ZBTB20: variants seen among roughly 807,000 people sequenced by gnomAD.
The protein encoded by ZBTB20 is zinc finger and BTB domain-containing protein 20.
A neutral mutation model predicts 56.9 loss-of-function variants in ZBTB20; 9 were observed. The ratio of observed to expected loss-of-function variants is 0.16; its 90% CI spans 0.10 to 0.28. ZBTB20 has a LOEUF of 0.28. ZBTB20 is among the 10% of genes least tolerant of loss of function. The pLI, the probability that ZBTB20 is intolerant of heterozygous loss-of-function variation, is 1.00. For synonymous variants in ZBTB20, 417 were observed against 420.7 expected, an observed-to-expected ratio of 0.99 and a Z score of 0.11; for missense variants, 655 against 1,003.0, an observed-to-expected ratio of 0.65 and a Z score of 4.69.
intron 6 of ZBTB20, among the ~76,000 whole-genome samples, chr3:114,602,581 C>T (rs2056844021): frequency 6.6e-6 from 1 of 151,910 alleles, no homozygotes; most frequent in Admixed American, 6.6e-5. Context: ...CTCTCCTCTC[C>T]AAATGTTAGG....
chr3:115,063,677 AC>A (rs2082097647), intron 2 of ZBTB20, among the ~76,000 whole-genome samples: 10 of 151,468 alleles, frequency 6.6e-5, no homozygotes, highest in African/African-American at 2.4e-4. Flanking sequence ...ACACACACAC[AC>A]ACACAAACAC....
intron 7 of ZBTB20, among the ~76,000 whole-genome samples, chr3:114,472,243 T>C (rs947653454): frequency 2.6e-5 from 4 of 152,186 alleles, no homozygotes; most frequent in Non-Finnish European, 4.4e-5. Context: ...AAAACATACT[T>C]GTTGAGCAAA....
intron 5 of ZBTB20, among the ~76,000 whole-genome samples, chr3:114,725,639 C>A (rs2065220891): frequency 6.6e-6 from 1 of 152,212 alleles, no homozygotes; most frequent in Non-Finnish European, 1.5e-5. Flanking sequence ...TAAACATTTT[C>A]ATTCCCAATC....
chr3:114,525,333 G>A (rs1344890081), intron 6 of ZBTB20, among the ~76,000 whole-genome samples: 2 of 152,226 alleles, frequency 1.3e-5, no homozygotes, highest in East Asian at 1.9e-4. Flanking sequence ...TCACACAACA[G>A]CTTTGCTTTA....
chr3:114,663,494 C>A (rs1487826798), intron 6 of ZBTB20, among the ~76,000 whole-genome samples: 12 of 149,452 alleles, frequency 8.0e-5, no homozygotes, highest in East Asian at 4.0e-4. Flanking sequence ...CGAGCAAAAT[C>A]ACCAGCTAAC....
At chr3:115,097,211 G>A (rs1457474094) in intron 1 of ZBTB20, among the ~76,000 whole-genome samples, 3 of 152,118 alleles carry the variant, frequency 2.0e-5, no homozygotes, top group Middle Eastern at 3.4e-3. Context: ...ACGTAGTCTC[G>A]CTCTGTCACC....
chr3:114,812,183 CG>C (rs1248834789), intron 4 of ZBTB20, among the ~76,000 whole-genome samples: 1 of 150,064 alleles, frequency 6.7e-6, no homozygotes, highest in Admixed American at 6.6e-5. Flanking sequence ...CTGCTGGCTC[CG>C]GCAGCCTGCT....
At chr3:114,552,450 C>T (rs1016974820) in intron 6 of ZBTB20, among the ~76,000 whole-genome samples, 4 of 151,386 alleles carry the variant, frequency 2.6e-5, no homozygotes, top group Non-Finnish European at 5.9e-5. Flanking sequence ...TTCCACTTCC[C>T]TTAGTCATTC....
At chr3:114,911,503 A>G (rs1410657148) in intron 3 of ZBTB20, among the ~76,000 whole-genome samples, 1 of 152,052 alleles carries the variant, frequency 6.6e-6, no homozygotes, top group East Asian at 1.9e-4. Context: ...GAAAACACAA[A>G]TAAACCACAA....
intron 2 of ZBTB20, among the ~76,000 whole-genome samples, chr3:115,062,047 A>AT (rs59421637): frequency 0.039 from 5,973 of 152,278 alleles, 393 homozygotes; most frequent in African/African-American, 0.14. Flanking sequence ...TAGACTAACC[A>AT]TAACACAGAA....
chr3:114,549,179 T>C (rs1417177677), intron 6 of ZBTB20, among the ~76,000 whole-genome samples: 1 of 152,170 alleles, frequency 6.6e-6, no homozygotes. Flanking sequence ...TCAAAGAGTA[T>C]TTTATGTGCT....
chr3:114,967,652 A>C (rs371603793), intron 3 of ZBTB20, among the ~76,000 whole-genome samples: 2 of 152,172 alleles, frequency 1.3e-5, no homozygotes, highest in South Asian at 4.1e-4. Context: ...CACCCTGATA[A>C]ATACATTTAA....
At chr3:114,373,077 C>G (rs982337309) in intron 10 of ZBTB20, among the ~76,000 whole-genome samples, 1 of 151,930 alleles carries the variant, frequency 6.6e-6, no homozygotes, top group African/African-American at 2.4e-5. Context: ...CCACCATGCC[C>G]AGCTAATTTT....
At chr3:114,517,612 T>C (rs1184036529) in intron 6 of ZBTB20, among the ~76,000 whole-genome samples, 1 of 151,888 alleles carries the variant, frequency 6.6e-6, no homozygotes. Context: ...AATTTCTCTC[T>C]GTTGCCCAGG....
chr3:115,027,829 A>G (rs1048343182), intron 2 of ZBTB20, among the ~76,000 whole-genome samples: 1 of 150,836 alleles, frequency 6.6e-6, no homozygotes, highest in Non-Finnish European at 1.5e-5. Context: ...TAAATGGAAA[A>G]TTTTAACAGG....
At chr3:114,839,466 A>AGAAAGAAAGAAAG (rs1491368999) in intron 4 of ZBTB20, among the ~76,000 whole-genome samples, 2 of 147,366 alleles carry the variant, frequency 1.4e-5, no homozygotes, top group African/African-American at 5.0e-5. Context: ...AAAGAAAGAA[A>AGAAAGAAAGAAAG]GAGAGAGAGA....
chr3:114,713,481 T>C (rs1578478535), intron 5 of ZBTB20, among the ~76,000 whole-genome samples: 1 of 152,304 alleles, frequency 6.6e-6, no homozygotes, highest in South Asian at 2.1e-4. Flanking sequence ...TCTGCCGAGA[T>C]ATTTATTATA....
intron 1 of ZBTB20, among the ~76,000 whole-genome samples, chr3:115,140,527 G>A (rs2084783352): frequency 6.6e-6 from 1 of 151,942 alleles, no homozygotes; most frequent in Non-Finnish European, 1.5e-5. Flanking sequence ...GAAAATGTGT[G>A]TGAGTGCGAG....
chr3:114,432,734 T>G (rs1027695287), intron 7 of ZBTB20, among the ~76,000 whole-genome samples: 1 of 152,174 alleles, frequency 6.6e-6, no homozygotes. Context: ...TTTGGAATTC[T>G]TTGGTATCAC....
Sources: gnomAD v4.1 joint callset for allele counts (sites outside exome capture counted in the v4.1 genomes callset) on GRCh38, gnomAD v4.1.1 for gene constraint, MANE v1.5 for transcripts, NCBI Gene and HGNC (gene_info 2026-07-23, HGNC 2026-07-21) for gene names.